LMBRD2: variants seen among roughly 807,000 people sequenced by gnomAD.
LMBRD2 encodes the protein LMBR1 domain containing 2.
A neutral mutation model predicts 94.4 loss-of-function variants in LMBRD2; 55 were observed. That is an observed-to-expected ratio of 0.58 (90% CI 0.47 to 0.73). The LOEUF is 0.73. Among genes scored for constraint, LMBRD2 ranks in the 30% least tolerant of loss-of-function variants. The pLI, the probability that LMBRD2 is intolerant of heterozygous loss-of-function variation, is 0.00. For missense variants in LMBRD2, 640 were observed against 831.9 expected (o/e 0.77, Z 2.84); for synonymous variants, 246 against 272.4 (o/e 0.90, Z 0.95).
intron 8 of LMBRD2, 101 bp from the exon 9 acceptor site, chr5:36,122,564 T>C: frequency 2.9e-6 from 3 of 1,046,898 alleles, no homozygotes; most frequent in Admixed American, 5.4e-5. Context: ...AATGGGAAAG[T>C]GCTAGGGCAT....
intron 1 of LMBRD2, among the ~76,000 whole-genome samples, chr5:36,146,666 C>G (rs1204071768): frequency 1.3e-5 from 2 of 152,164 alleles, no homozygotes; most frequent in Non-Finnish European, 2.9e-5. Context: ...CATGATCCAC[C>G]TAGCCAAGCC....
At chr5:36,128,698 C>A (rs1744065673) in intron 6 of LMBRD2, among the ~76,000 whole-genome samples, 1 of 152,038 alleles carries the variant, frequency 6.6e-6, no homozygotes, top group African/African-American at 2.4e-5. Flanking sequence ...GCACTCCAGC[C>A]TGGGTAACAC....
rs527464682 is a variant in LMBRD2 at position 36,117,784 on chromosome 5, G to A, written c.1253C>T (p.Ala418Val). ...TTTTTCTGCCAGCTGTATGAAGACC[G>A]CAAAGAGGGATAAGACAGGAGTAGT... ...FSTTPVLSLFAVFIQLAEKTY... is the reference protein window; with the variant it reads ...FSTTPVLSLFVVFIQLAEKTY... Residue 418 changes from alanine to valine, a missense_variant, in exon 10 of 18, where the codon GCG (alanine) becomes GTG (valine). Physicochemically the swap from Ala to Val is moderately conservative, Grantham distance 64 (BLOSUM62 0). Around this residue, in one of 2 missense-constraint regions of LMBRD2, gnomAD observed 457 missense variants for 642.8 expected, o/e 0.71. Coordinates refer to ENST00000296603, the MANE Select transcript of LMBRD2 (RefSeq NM_001007527.2). The A allele has an allele frequency of 1.4e-5, 23 of 1,612,872 alleles. No homozygotes were observed. The highest frequency in any genetic ancestry group is 4.4e-5 in the South Asian group (4 of 90,810).
At chr5:36,147,343 G>A (rs1274113957) in intron 1 of LMBRD2, among the ~76,000 whole-genome samples, 1 of 152,112 alleles carries the variant, frequency 6.6e-6, no homozygotes, top group Non-Finnish European at 1.5e-5. Context: ...TAGGGAAGAA[G>A]GAGAAGAAAG....
rs764575962 is a variant in LMBRD2, at chr5:36,141,136, T to C, written c.339A>G (p.Val113=). ...TTAAAAATTGTGACGTCCAATACAC[T>C]ACCCTCCAGAAAATTGGCATGATTC... ...PDGIMPIFWR[V]VYWTSQFLTW... The change falls in exon 4 of 18, where the codon GTA becomes GTG. Residue 113 remains valine (V), a synonymous_variant. Transcript: ENST00000296603. 6 of 1,607,932 alleles carry C rather than the reference T, an allele frequency of 3.7e-6. No homozygotes were observed. The highest frequency in any genetic ancestry group is 4.3e-6 in the Non-Finnish European group (5 of 1,174,990).
At chr5:36,135,265 G>A (rs894320035) in intron 6 of LMBRD2, among the ~76,000 whole-genome samples, 2 of 151,856 alleles carry the variant, frequency 1.3e-5, no homozygotes, top group South Asian at 2.1e-4. Flanking sequence ...TATAGAATGG[G>A]GATTTACAAA....
At chr5:36,124,775 G>A (rs1041522061) in intron 6 of LMBRD2, among the ~76,000 whole-genome samples, 4 of 152,010 alleles carry the variant, frequency 2.6e-5, no homozygotes, top group South Asian at 2.1e-4. Context: ...ACTGGCGGGC[G>A]CAGTGGCTCA....
intron 10 of LMBRD2, 92 bp downstream of exon 10, chr5:36,117,643 T>A: frequency 1.1e-6 from 1 of 937,450 alleles, no homozygotes; most frequent in Non-Finnish European, 1.5e-6. Flanking sequence ...CCTCACTGCT[T>A]TCATTTTTAC....
Position 36,122,832 on chromosome 5 carries a change from T to C in LMBRD2, c.936+16A>G, listed in dbSNP as rs1245592267. On this transcript the variant is annotated intron_variant, in intron 8 of 17. Coordinates refer to ENST00000296603, the MANE Select transcript of LMBRD2 (RefSeq NM_001007527.2). ...AAATCATCATTAAGTAAAATACTTATAATTAACAAAGTTACCTGTTTATGC... is the reference window on the plus strand; with the variant it reads ...AAATCATCATTAAGTAAAATACTTACAATTAACAAAGTTACCTGTTTATGC... The C allele has an allele frequency of 3.8e-6, 6 of 1,586,856 alleles. No homozygotes were observed. Among genetic ancestry groups the C allele is most frequent in the Middle Eastern group, 3.4e-4 (2 of 5,918 alleles).
intron 3 of LMBRD2, among the ~76,000 whole-genome samples, chr5:36,141,747 A>G (rs564221069): frequency 1.1e-4 from 17 of 152,332 alleles, no homozygotes; most frequent in Non-Finnish European, 2.2e-4. Flanking sequence ...AGACATGATG[A>G]GTCTCTGATC....
At chr5:36,115,919 T>G (rs145880750) in intron 11 of LMBRD2, among the ~76,000 whole-genome samples, 48 of 152,318 alleles carry the variant, frequency 3.2e-4, no homozygotes, top group African/African-American at 1.1e-3. Flanking sequence ...ACAAAAAAGA[T>G]GCTTAAAAAT....
chr5:36,113,372 C>G (rs1225836597), intron 13 of LMBRD2, among the ~76,000 whole-genome samples: 1 of 152,102 alleles, frequency 6.6e-6, no homozygotes, highest in Non-Finnish European at 1.5e-5. Flanking sequence ...GAATTGCTCA[C>G]TCGGGGATCT....
At chr5:36,111,502 G>C (rs1430707009) in intron 13 of LMBRD2, among the ~76,000 whole-genome samples, 1 of 151,998 alleles carries the variant, frequency 6.6e-6, no homozygotes, top group Non-Finnish European at 1.5e-5. Flanking sequence ...ATAGATGTCA[G>C]TTAAGTCAAG....
In LMBRD2 at chr5:36,117,940, A is replaced by T. The variant is rs1267515751; in HGVS notation, c.1121-24T>A. ...TTCTAGAAGACAAAAGAAAAAAATG[A>T]TTAGGAAAACTACAAAAGAGTAATG... On this transcript the variant is annotated intron_variant, in intron 9 of 17. Coordinates refer to ENST00000296603, the MANE Select transcript of LMBRD2 (RefSeq NM_001007527.2). 1.9e-6 allele frequency: 3 copies of T among 1,549,552 alleles called. No homozygotes were observed. In the East Asian group the frequency reaches 6.8e-5, roughly 35 times the overall value.
chr5:36,146,072 T>G (rs1412494097), intron 1 of LMBRD2, among the ~76,000 whole-genome samples: 2 of 152,232 alleles, frequency 1.3e-5, no homozygotes. Flanking sequence ...TGATTCATAG[T>G]CAGCACTTTA....
chr5:36,127,283 A>G (rs1744029157), intron 6 of LMBRD2, among the ~76,000 whole-genome samples: 1 of 152,254 alleles, frequency 6.6e-6, no homozygotes, highest in Non-Finnish European at 1.5e-5. Context: ...CTTGAAGTAT[A>G]TGGCCAGAGA....
intron 6 of LMBRD2, among the ~76,000 whole-genome samples, chr5:36,132,631 A>C (rs466710): frequency 0.052 from 7,767 of 149,560 alleles, 696 homozygotes; most frequent in African/African-American, 0.18. Context: ...ATTTAATAAT[A>C]AGATTAAAAA....
intron 3 of LMBRD2, 63 bp from the exon 4 acceptor site, chr5:36,141,265 A>C: frequency 4.4e-6 from 4 of 917,018 alleles, no homozygotes; most frequent in Non-Finnish European, 7.0e-6. Flanking sequence ...TTATACAATT[A>C]ATTTGCATGT....
In LMBRD2 at chr5:36,109,992, C is replaced by T. The variant is rs145628088; in HGVS notation, c.1745-1G>A. ...TCTTGCCTTTGCCTTTTTCTCTTCT[C>T]TAAAGACAGAAAAATGATCTCAAAT... On this transcript the variant is annotated splice_acceptor_variant, in intron 14 of 17. Coordinates refer to ENST00000296603, the MANE Select transcript of LMBRD2 (RefSeq NM_001007527.2). LOFTEE classifies it high-confidence loss of function. 1.4e-5 allele frequency: 23 copies of T among 1,605,680 alleles called. No individual in the cohort carries two copies. The highest frequency in any genetic ancestry group is 2.0e-5 in the Non-Finnish European group (23 of 1,173,534).
Sources: allele counts gnomAD v4.1 joint callset (sites outside exome capture counted in the v4.1 genomes callset), GRCh38; gene constraint gnomAD v4.1.1; regional missense constraint gnomAD v4.1.1; transcripts MANE v1.5; gene names NCBI Gene and HGNC (gene_info 2026-07-23, HGNC 2026-07-21).